Variants in IMMP2L observed in about 807,000 individuals in gnomAD.
The protein encoded by IMMP2L is inner mitochondrial membrane peptidase subunit 2, also known as mitochondrial inner membrane protease subunit 2.
In IMMP2L, 18 loss-of-function variants were observed where a neutral mutation model predicts 19.3. The observed-to-expected ratio is 0.93, with a 90% confidence interval of 0.64 to 1.38. The LOEUF (loss-of-function observed/expected upper bound fraction) is 1.38, where lower values mean the gene tolerates loss of function less well. Ranked by LOEUF, IMMP2L falls within the 40% of genes most tolerant of loss-of-function variation. The probability of loss-of-function intolerance (pLI) is 0.00; values close to 1 mark genes in which losing one functional copy is unlikely to be tolerated. For missense variants in IMMP2L, 233 were observed against 218.2 expected (o/e 1.07, Z -0.43); for synonymous variants, 76 against 73.0 (o/e 1.04, Z -0.21).
At position 111,450,817 on chromosome 7, in the gene IMMP2L, A is replaced by C. The variant is rs1005489280; in HGVS notation, c.239+36421T>G. On this transcript the variant is annotated intron_variant, in intron 3 of 5. Coordinates refer to ENST00000405709, the MANE Select transcript of IMMP2L (RefSeq NM_032549.4). Reference sequence around the variant, plus strand: ...ATTTTCACAACCTACTCATCTGACAAAGGGCTAATATCCAGAATCTACAAT... The same window carrying C: ...ATTTTCACAACCTACTCATCTGACACAGGGCTAATATCCAGAATCTACAAT... Among the ~76,000 whole-genome samples, 69 of 150,418 alleles carry C rather than the reference A, an allele frequency of 4.6e-4. 1 individual carries two copies. Among genetic ancestry groups the C allele is most frequent in the South Asian group, 2.1e-4 (1 of 4,780 alleles).
chr7:111,436,031 C>A (rs745578237), intron 3 of IMMP2L, among the ~76,000 whole-genome samples: 3 of 151,690 alleles, frequency 2.0e-5, no homozygotes, highest in Non-Finnish European at 4.4e-5. Context: ...TACCAGGTGT[C>A]CTGCCAGACC....
intron 3 of IMMP2L, among the ~76,000 whole-genome samples, chr7:111,324,877 C>A (rs1825149279): frequency 6.6e-6 from 1 of 151,728 alleles, no homozygotes; most frequent in Non-Finnish European, 1.5e-5. Flanking sequence ...GGAACAACTG[C>A]TCAACATTTG....
rs914320734 is a variant in IMMP2L at position 111,562,431 on chromosome 7, C to G, written c.-583G>C. 1 of 151,520 alleles carries G rather than the reference C, an allele frequency of 6.6e-6. No homozygotes were observed. Among genetic ancestry groups the G allele is most frequent in the African/African-American group, 2.4e-5 (1 of 41,318 alleles). 9.4% of individuals were successfully genotyped at this position (151,520 alleles called of 1,614,324 possible). ...CCTGCCAGCCTCACAGCCCCCCACCCGCCGCCGGACGCCGGGCGCCCGCCC... is the reference window on the plus strand; with the variant it reads ...CCTGCCAGCCTCACAGCCCCCCACCGGCCGCCGGACGCCGGGCGCCCGCCC... On this transcript the variant is annotated 5_prime_UTR_variant, in exon 1 of 6. Transcript: ENST00000405709.
intron 5 of IMMP2L, among the ~76,000 whole-genome samples, chr7:110,860,266 T>A (rs561952869): frequency 2.0e-5 from 3 of 152,224 alleles, no homozygotes; most frequent in South Asian, 4.1e-4. Flanking sequence ...TCATTTATCC[T>A]AAGATTTAAA....
chr7:111,240,941 T>C (rs1377946231), intron 3 of IMMP2L, among the ~76,000 whole-genome samples: 1 of 151,900 alleles, frequency 6.6e-6, no homozygotes, highest in East Asian at 1.9e-4. Context: ...CACCAAATGC[T>C]TTTAAAATGC....
chr7:111,274,539 C>G (rs1818813744), intron 3 of IMMP2L, among the ~76,000 whole-genome samples: 1 of 152,100 alleles, frequency 6.6e-6, no homozygotes, highest in Admixed American at 6.6e-5. Flanking sequence ...AAAATAATTA[C>G]CAGCTCCCTA....
intron 1 of IMMP2L, 111 bp from the exon 2 acceptor site, chr7:111,521,560 T>C: frequency 1.2e-6 from 1 of 867,162 alleles, no homozygotes; most frequent in Non-Finnish European, 1.7e-6. Context: ...TCTTGTCTCT[T>C]AATATATTAC....
intron 3 of IMMP2L, among the ~76,000 whole-genome samples, chr7:111,049,118 CTTTTTTT>C (rs1181540031): frequency 1.1e-4 from 3 of 28,100 alleles, no homozygotes; most frequent in African/African-American, 2.3e-4. Flanking sequence ...TATGATACTT[CTTTTTTT>C]TTTTTTTTTT....
chr7:111,126,763 T>C (rs1801356361), intron 3 of IMMP2L, among the ~76,000 whole-genome samples: 1 of 152,168 alleles, frequency 6.6e-6, no homozygotes, highest in Non-Finnish European at 1.5e-5. Context: ...GCAAACATTC[T>C]GAGACAATAA....
chr7:111,417,040 C>T (rs1447297867), intron 3 of IMMP2L, among the ~76,000 whole-genome samples: 1 of 151,684 alleles, frequency 6.6e-6, no homozygotes, highest in South Asian at 2.1e-4. Flanking sequence ...GTTGCACTCA[C>T]CACATCTCAA....
chr7:111,087,374 G>A (rs984881530), intron 3 of IMMP2L, among the ~76,000 whole-genome samples: 2 of 151,514 alleles, frequency 1.3e-5, no homozygotes, highest in Non-Finnish European at 2.9e-5. Context: ...ACTTGAACCC[G>A]GAAGGTGTTG....
chr7:110,701,382 T>C (rs1177990396), intron 5 of IMMP2L, among the ~76,000 whole-genome samples: 1 of 152,184 alleles, frequency 6.6e-6, no homozygotes, highest in African/African-American at 2.4e-5. Flanking sequence ...TTTACATATA[T>C]TATCTCATTA....
intron 3 of IMMP2L, among the ~76,000 whole-genome samples, chr7:111,149,080 G>A (rs533920234): frequency 1.4e-4 from 22 of 152,142 alleles, no homozygotes; most frequent in African/African-American, 3.1e-4. Context: ...TAAAGAGTAC[G>A]TTAAAAGTAA....
At chr7:111,497,475 A>C (rs1843699931) in intron 2 of IMMP2L, among the ~76,000 whole-genome samples, 1 of 152,184 alleles carries the variant, frequency 6.6e-6, no homozygotes, top group Non-Finnish European at 1.5e-5. Flanking sequence ...TATGGATATT[A>C]AAAAATGATT....
chr7:111,220,928 A>C (rs1455010313), intron 3 of IMMP2L, among the ~76,000 whole-genome samples: 1 of 152,024 alleles, frequency 6.6e-6, no homozygotes, highest in Non-Finnish European at 1.5e-5. Flanking sequence ...TGTTCTATTC[A>C]GGCCCTCAAT....
chr7:111,467,613 C>T (rs1271612679), intron 3 of IMMP2L, among the ~76,000 whole-genome samples: 1 of 152,062 alleles, frequency 6.6e-6, no homozygotes, highest in Non-Finnish European at 1.5e-5. Context: ...GGTTAATTAC[C>T]CTTTTAACTA....
intron 2 of IMMP2L, among the ~76,000 whole-genome samples, chr7:111,517,439 A>G (rs1845965912): frequency 7.7e-6 from 1 of 130,364 alleles, no homozygotes; most frequent in African/African-American, 2.7e-5. Flanking sequence ...AAAATTATGT[A>G]TCAATTGCAA....
intron 5 of IMMP2L, among the ~76,000 whole-genome samples, chr7:110,687,287 C>A (rs1358180210): frequency 1.3e-5 from 2 of 152,088 alleles, no homozygotes; most frequent in Non-Finnish European, 2.9e-5. Context: ...AAAAATGACT[C>A]TCTTCTACCC....
At chr7:111,102,599 A>AAG (rs761007853) in intron 3 of IMMP2L, among the ~76,000 whole-genome samples, 5 of 151,638 alleles carry the variant, frequency 3.3e-5, no homozygotes, top group Admixed American at 2.0e-4. Context: ...AGTCAAATAA[A>AAG]AGAGAGAGAG....
Sources: gnomAD v4.1 joint callset for allele counts (sites outside exome capture counted in the v4.1 genomes callset) on GRCh38, gnomAD v4.1.1 for gene constraint, MANE v1.5 for transcripts, NCBI Gene and HGNC (gene_info 2026-07-23, HGNC 2026-07-21) for gene names.